LDHC: variants seen among roughly 807,000 people sequenced by gnomAD.
The protein encoded by LDHC is L-lactate dehydrogenase C chain.
LDHC carries 20 observed loss-of-function variants against 30.2 expected under a neutral mutation model. The observed-to-expected ratio is 0.66, with a 90% CI of 0.47 to 0.96. The LOEUF (loss-of-function observed/expected upper bound fraction) is 0.96, where lower values mean the gene tolerates loss of function less well. Ranked by LOEUF, LDHC falls within the 40% of genes least tolerant of loss-of-function variation. LDHC has a pLI of 0.00. For missense variants in LDHC, 362 were observed against 394.9 expected (o/e 0.92, Z 0.71); for synonymous variants, 139 against 132.7 (o/e 1.05, Z -0.32).
intron 6 of LDHC, among the ~76,000 whole-genome samples, chr11:18,444,648 A>ATATT (rs1848524341): frequency 8.1e-6 from 1 of 123,682 alleles, no homozygotes; most frequent in Admixed American, 8.6e-5. Flanking sequence ...ATATATATAT[A>ATATT]TGCCTTATCT....
At chr11:18,413,567 G>A (rs566756305) in intron 2 of LDHC, among the ~76,000 whole-genome samples, 1 of 148,204 alleles carries the variant, frequency 6.7e-6, no homozygotes, top group Non-Finnish European at 1.5e-5. Flanking sequence ...GGTTCAAGCA[G>A]TTCTCCTGCC....
chr11:18,435,255 G>A (rs1290394406), intron 5 of LDHC, among the ~76,000 whole-genome samples: 2 of 152,050 alleles, frequency 1.3e-5, no homozygotes, highest in African/African-American at 4.8e-5. Context: ...CAAATCTCAT[G>A]TTGAATTGTA....
chr11:18,420,699 T>C (rs1331914345), intron 3 of LDHC, among the ~76,000 whole-genome samples: 1 of 140,694 alleles, frequency 7.1e-6, no homozygotes. Flanking sequence ...AGAAACAGAC[T>C]GAGACAATTA....
At chr11:18,439,832 A>AC (rs1565055700) in intron 6 of LDHC, among the ~76,000 whole-genome samples, 152 of 138,792 alleles carry the variant, frequency 1.1e-3, no homozygotes, top group African/African-American at 3.3e-3. Flanking sequence ...AAAAAAAAAA[A>AC]AAAACAAAAA....
intron 4 of LDHC, among the ~76,000 whole-genome samples, chr11:18,431,661 C>G (rs1484063250): frequency 6.6e-6 from 1 of 152,046 alleles, no homozygotes; most frequent in Non-Finnish European, 1.5e-5. Flanking sequence ...TTCTCCTGTT[C>G]AGCCTCCCAT....
chr11:18,440,144 CAAAAAA>C (rs35749455), intron 6 of LDHC, among the ~76,000 whole-genome samples: 3 of 83,040 alleles, frequency 3.6e-5, no homozygotes, highest in Non-Finnish European at 7.8e-5. Flanking sequence ...TACTAAAATA[CAAAAAA>C]AAAAAAAAAA....
At chr11:18,436,389 A>C (rs1848352923) in intron 5 of LDHC, among the ~76,000 whole-genome samples, 1 of 151,588 alleles carries the variant, frequency 6.6e-6, no homozygotes, top group Admixed American at 6.6e-5. Context: ...TGAATTATAC[A>C]CTTACCTTAT....
intron 3 of LDHC, among the ~76,000 whole-genome samples, chr11:18,420,196 A>T (rs1285315227): frequency 1.3e-5 from 2 of 152,200 alleles, no homozygotes; most frequent in Non-Finnish European, 2.9e-5. Flanking sequence ...AGAAGACAAG[A>T]AGTAGAAAAT....
chr11:18,428,481 A>C (rs560550996), intron 3 of LDHC, among the ~76,000 whole-genome samples: 1 of 152,232 alleles, frequency 6.6e-6, no homozygotes, highest in East Asian at 1.9e-4. Flanking sequence ...TTTCTAAAAG[A>C]ACATGAAAAG....
At chr11:18,425,045 A>C (rs1216194920) in intron 3 of LDHC, among the ~76,000 whole-genome samples, 1 of 152,220 alleles carries the variant, frequency 6.6e-6, no homozygotes, top group Non-Finnish European at 1.5e-5. Context: ...ATGTAATTTA[A>C]ACATGCATAG....
intron 6 of LDHC, among the ~76,000 whole-genome samples, chr11:18,445,318 A>G (rs1848537958): frequency 6.6e-6 from 1 of 152,072 alleles, no homozygotes; most frequent in African/African-American, 2.4e-5. Flanking sequence ...CCTCTCCAGT[A>G]GCTGGGACTA....
At chr11:18,424,647 G>T (rs538982947) in intron 3 of LDHC, among the ~76,000 whole-genome samples, 1 of 152,118 alleles carries the variant, frequency 6.6e-6, no homozygotes, top group Non-Finnish European at 1.5e-5. Flanking sequence ...CATTAACATG[G>T]ATAAATATCA....
chr11:18,446,803 A>G (rs185492607), intron 7 of LDHC, among the ~76,000 whole-genome samples: 22 of 152,322 alleles, frequency 1.4e-4, no homozygotes, highest in African/African-American at 5.3e-4. Context: ...CTTAGATCCT[A>G]TAATACCTCT....
At chr11:18,441,456 G>A (rs892699699) in intron 6 of LDHC, among the ~76,000 whole-genome samples, 5 of 151,838 alleles carry the variant, frequency 3.3e-5, no homozygotes, top group Admixed American at 2.0e-4. Flanking sequence ...CTACAAGCAC[G>A]CGCCACCATG....
intron 3 of LDHC, among the ~76,000 whole-genome samples, chr11:18,418,630 T>C (rs1392195365): frequency 6.6e-6 from 1 of 151,958 alleles, no homozygotes; most frequent in African/African-American, 2.4e-5. Context: ...TTTCACCATG[T>C]TGGCCAGGCT....
chr11:18,447,569 T>C (rs573381198), intron 7 of LDHC, among the ~76,000 whole-genome samples: 1 of 152,206 alleles, frequency 6.6e-6, no homozygotes, highest in African/African-American at 2.4e-5. Context: ...CATATGTATA[T>C]TGAAGTTAAC....
At chr11:18,444,399 G>A (rs574589048) in intron 6 of LDHC, among the ~76,000 whole-genome samples, 15 of 151,614 alleles carry the variant, frequency 9.9e-5, no homozygotes, top group Non-Finnish European at 1.2e-4. Context: ...ACAGTATGCT[G>A]TCAATCAAGT....
intron 4 of LDHC, among the ~76,000 whole-genome samples, chr11:18,431,809 C>A (rs1322220159): frequency 1.3e-5 from 2 of 152,146 alleles, no homozygotes; most frequent in Non-Finnish European, 2.9e-5. Context: ...CCTCGCCTCC[C>A]AAAGTTCTGG....
chr11:18,429,116 C>CTTTTTTT (rs36038254), intron 3 of LDHC, among the ~76,000 whole-genome samples: 8 of 93,914 alleles, frequency 8.5e-5, no homozygotes, highest in East Asian at 7.1e-4. Context: ...TCATTTTGGT[C>CTTTTTTT]TTTTTTTTTT....
Sources: allele counts gnomAD v4.1 joint callset (sites outside exome capture counted in the v4.1 genomes callset), GRCh38; gene constraint gnomAD v4.1.1; transcripts MANE v1.5; gene names NCBI Gene and HGNC (gene_info 2026-07-23, HGNC 2026-07-21).